TGFBR3: variants seen among roughly 807,000 people sequenced by gnomAD.
The protein encoded by TGFBR3 is transforming growth factor beta receptor 3, also known as transforming growth factor beta receptor type 3.
A neutral mutation model predicts 87.9 loss-of-function variants in TGFBR3; 46 were observed. The ratio of observed to expected loss-of-function variants is 0.52; its 90% CI spans 0.41 to 0.67. The LOEUF (loss-of-function observed/expected upper bound fraction) is 0.67, where lower values mean the gene tolerates loss of function less well. TGFBR3 is among the 30% of genes least tolerant of loss of function. TGFBR3 has a pLI of 0.00. For missense variants in TGFBR3, 866 were observed against 1,041.9 expected (o/e 0.83, Z 2.32); for synonymous variants, 381 against 391.6 (o/e 0.97, Z 0.32).
chr1:91,845,909 A>G (rs17883912), intron 2 of TGFBR3, among the ~76,000 whole-genome samples: 1 of 152,240 alleles, frequency 6.6e-6, no homozygotes, highest in African/African-American at 2.4e-5. Context: ...ACTACAAACT[A>G]GAGTTCCTTT....
At chr1:91,713,476 C>A (rs1192942789) in intron 12 of TGFBR3, among the ~76,000 whole-genome samples, 1 of 152,188 alleles carries the variant, frequency 6.6e-6, no homozygotes, top group Non-Finnish European at 1.5e-5. Flanking sequence ...CATTCTTTGA[C>A]TAAATTTAGG....
intron 3 of TGFBR3, among the ~76,000 whole-genome samples, chr1:91,774,148 C>CTTT (rs397729583): frequency 6.8e-6 from 1 of 148,028 alleles, no homozygotes; most frequent in Non-Finnish European, 1.5e-5. Flanking sequence ...ATATACTTTT[C>CTTT]TTTTTTTTTT....
intron 2 of TGFBR3, among the ~76,000 whole-genome samples, chr1:91,849,584 T>C (rs539890898): frequency 3.3e-5 from 5 of 152,244 alleles, no homozygotes; most frequent in Non-Finnish European, 7.3e-5. Context: ...CTTTGCTTTT[T>C]ATTCGACGAA....
chr1:91,890,058 T>G (rs945572648), upstream of TGFBR3, among the ~76,000 whole-genome samples: 43 of 152,138 alleles, frequency 2.8e-4, 1 homozygote, highest in African/African-American at 2.4e-5. Flanking sequence ...CAAGCTACAG[T>G]ATTTGTTACT....
rs564816399 is a variant in TGFBR3 at position 91,769,034 on chromosome 1, T to C, written c.247-10284A>G. Among the ~76,000 whole-genome samples, 108 of 152,104 alleles carry C rather than the reference T, an allele frequency of 7.1e-4. 1 individual carries two copies. Among genetic ancestry groups the C allele is most frequent in the Non-Finnish European group, 1.3e-3 (90 of 68,016 alleles). On this transcript the variant is annotated intron_variant, in intron 3 of 16. Coordinates refer to ENST00000212355, the MANE Select transcript of TGFBR3 (RefSeq NM_003243.5). ...CAGTGACTCAGAGCCAGGCATTAGG[T>C]TGGAATCTCAGCTCTCCACCTACCC...
chr1:91,875,625 C>T (rs1020738662), intron 1 of TGFBR3, among the ~76,000 whole-genome samples: 17 of 152,032 alleles, frequency 1.1e-4, no homozygotes, highest in African/African-American at 4.1e-4. Flanking sequence ...CTGTGGCTCA[C>T]GTCTATATTC....
At chr1:91,901,788 C>A (rs919094871) in intron 1 of TGFBR3, among the ~76,000 whole-genome samples, 1 of 151,586 alleles carries the variant, frequency 6.6e-6, no homozygotes, top group Non-Finnish European at 1.5e-5. Flanking sequence ...TAGCATATAC[C>A]TCTAGTCCCA....
At chr1:91,692,561 C>G (rs564920770) in intron 16 of TGFBR3, among the ~76,000 whole-genome samples, 3 of 152,242 alleles carry the variant, frequency 2.0e-5, no homozygotes, top group African/African-American at 7.2e-5. Flanking sequence ...CCTTCATGGA[C>G]TAGAAGTTAG....
intron 2 of TGFBR3, among the ~76,000 whole-genome samples, chr1:91,851,424 C>T (rs1029753550): frequency 1.3e-5 from 2 of 152,302 alleles, no homozygotes; most frequent in Admixed American, 6.5e-5. Context: ...GCCAATCATG[C>T]GCCTCGGTGC....
chr1:91,897,117 A>G (rs986207601), intron 2 of TGFBR3, among the ~76,000 whole-genome samples: 5 of 152,076 alleles, frequency 3.3e-5, no homozygotes, highest in African/African-American at 1.2e-4. Flanking sequence ...TCTTTCCTAT[A>G]TGTTTTACTA....
At chr1:91,863,940 T>A (rs1678290048) in intron 1 of TGFBR3, 1 of 152,264 alleles carries the variant, frequency 6.6e-6, no homozygotes, top group Non-Finnish European at 1.5e-5. Context: ...GATCTGTCTC[T>A]ATTTTTTTCC....
At chr1:91,903,615 T>A (rs1679780180) in intron 1 of TGFBR3, among the ~76,000 whole-genome samples, 1 of 151,920 alleles carries the variant, frequency 6.6e-6, no homozygotes, top group African/African-American at 2.4e-5. Flanking sequence ...GGCATGGTAG[T>A]CTCTGCAGGT....
At chr1:91,849,926 C>G (rs1194217044) in intron 2 of TGFBR3, among the ~76,000 whole-genome samples, 1 of 151,556 alleles carries the variant, frequency 6.6e-6, no homozygotes, top group Non-Finnish European at 1.5e-5. Flanking sequence ...GCTAAAAATA[C>G]AAAAAATTAG....
intron 3 of TGFBR3, among the ~76,000 whole-genome samples, chr1:91,787,576 T>G (rs1675016098): frequency 6.6e-6 from 1 of 152,114 alleles, no homozygotes; most frequent in African/African-American, 2.4e-5. Context: ...GCAGAGTTTT[T>G]GGAGTTGTAA....
intron 2 of TGFBR3, among the ~76,000 whole-genome samples, chr1:91,892,498 G>A (rs1268312451): frequency 2.0e-5 from 3 of 152,206 alleles, no homozygotes; most frequent in Admixed American, 1.3e-4. Context: ...ATATATTAAT[G>A]CCTGTAAATG....
At position 91,680,983 on chromosome 1, in the gene TGFBR3, C is replaced by T. The variant is rs781291511; in HGVS notation, c.*2756G>A. On this transcript the variant is annotated 3_prime_UTR_variant, in exon 17 of 17. Transcript: ENST00000212355. ...TGGTGAAAAGCTATAGCGTATTATA[C>T]AGACAATCTGCCTTGGAGTTTGGGG... 7 of 454,096 alleles carry T rather than the reference C, an allele frequency of 1.5e-5. No individual in the cohort carries two copies. The highest frequency in any genetic ancestry group is 1.1e-4 in the South Asian group (7 of 64,480). The allele number at this position is 454,096 out of a possible 1,614,324, so 28.1% of individuals were successfully genotyped here.
At position 91,730,028 on chromosome 1, in the gene TGFBR3, T is replaced by G. The variant is rs78754798; in HGVS notation, c.569-55A>C. On this transcript the variant is annotated intron_variant, in intron 5 of 16. Transcript: ENST00000212355. Reference sequence around the variant, plus strand: ...CCACTGAGGTACTCGGTAACCAGATTCAAAGGAAGGAGGGTGACAGTGAAA... The same window carrying G: ...CCACTGAGGTACTCGGTAACCAGATGCAAAGGAAGGAGGGTGACAGTGAAA... 1.7e-5 allele frequency: 27 copies of G among 1,601,704 alleles called. No homozygotes were observed. The East Asian group carries it at 5.6e-4, about 33-fold the overall frequency.
chr1:91,887,262 T>TTTTTTTTTTTTTTTTTTTTTTG (rs1165045165), upstream of TGFBR3, among the ~76,000 whole-genome samples: 5 of 125,272 alleles, frequency 4.0e-5, 1 homozygote, highest in African/African-American at 1.4e-4. Flanking sequence ...TTTTTTTTTT[T>TTTTTTTTTTTTTTTTTTTTTTG]TGAGATGGAG....
chr1:91,695,687 T>G lies in TGFBR3; in HGVS notation c.2422A>C (p.Ile808Leu), dbSNP rs1471254201. 1 of 1,614,142 alleles carries G rather than the reference T, an allele frequency of 6.2e-7. No individual in the cohort carries two copies. The stretch of plus-strand genomic sequence containing the variant: ...TCACACTAACCTGTGTGAGAATAGA[T>G]GTACCACAAGGCCCCCGTCAGGAGT... ...GALLTGALWY[I>L]YSHTGETAGR... The change falls in exon 16 of 17, where the codon ATC becomes CTC. Residue 808 changes from isoleucine (I) to leucine (L), a missense_variant. Coordinates refer to ENST00000212355, the MANE Select transcript of TGFBR3 (RefSeq NM_003243.5).
Sources: gnomAD v4.1 joint callset for allele counts (sites outside exome capture counted in the v4.1 genomes callset) on GRCh38, gnomAD v4.1.1 for gene constraint, MANE v1.5 for transcripts, NCBI Gene and HGNC (gene_info 2026-07-23, HGNC 2026-07-21) for gene names.